Variants in MAN1C1 observed in about 807,000 individuals in gnomAD.
MAN1C1 encodes mannosyl-oligosaccharide 1,2-alpha-mannosidase IC.
In MAN1C1, 49 loss-of-function variants were observed where a neutral mutation model predicts 71.5. The observed-to-expected ratio is 0.69, with a 90% CI of 0.54 to 0.87. The LOEUF (loss-of-function observed/expected upper bound fraction) is 0.87, where lower values mean the gene tolerates loss of function less well. Among genes scored for constraint, MAN1C1 ranks in the 40% least tolerant of loss-of-function variants. The pLI, the probability that MAN1C1 is intolerant of heterozygous loss-of-function variation, is 0.00. For missense variants in MAN1C1, 743 were observed against 835.0 expected, an observed-to-expected ratio of 0.89 and a Z score of 1.36; for synonymous variants, 352 against 343.7, an observed-to-expected ratio of 1.02 and a Z score of -0.27.
intron 1 of MAN1C1, among the ~76,000 whole-genome samples, chr1:25,678,606 G>A (rs2046101803): frequency 6.6e-6 from 1 of 152,118 alleles, no homozygotes; most frequent in Admixed American, 6.5e-5. Flanking sequence ...TCTGGTCTAA[G>A]GAAATTATTC....
rs555491044 is a variant in MAN1C1 at position 25,740,771 on chromosome 1, C to T, written c.638-5897C>T. ...TTTTAAAAAATCTCTCTGGCTGCAA[C>T]GCTGAGGACAGATGGGTGGATCGGG... On this transcript the variant is annotated intron_variant, in intron 2 of 11. Transcript: ENST00000374332. 7.9e-5 allele frequency among the ~76,000 whole-genome samples: 12 copies of T among 152,112 alleles called. No individual in the cohort carries two copies. In the South Asian group the frequency reaches 1.2e-3, roughly 16 times the overall value.
At chr1:25,623,453 G>T (rs1353348028) in intron 1 of MAN1C1, among the ~76,000 whole-genome samples, 1 of 136,058 alleles carries the variant, frequency 7.3e-6, no homozygotes, top group African/African-American at 3.6e-5. Flanking sequence ...GTTAGTGGTG[G>T]TGGGGGGGGG....
At chr1:25,749,110 T>C (rs1194060683) in intron 3 of MAN1C1, 145 bp from the exon 4 acceptor site, 2 of 582,832 alleles carry the variant, frequency 3.4e-6, no homozygotes, top group Admixed American at 3.2e-5. Flanking sequence ...TCTTGACTTT[T>C]GTTATGAAAA....
intron 10 of MAN1C1, among the ~76,000 whole-genome samples, chr1:25,781,469 C>T (rs894984653): frequency 2.0e-5 from 3 of 152,180 alleles, no homozygotes; most frequent in Non-Finnish European, 2.9e-5. Context: ...TTCCTGATCT[C>T]GAAGCTGGGC....
intron 2 of MAN1C1, among the ~76,000 whole-genome samples, chr1:25,741,857 G>A (rs2047067501): frequency 6.6e-6 from 1 of 152,222 alleles, no homozygotes; most frequent in African/African-American, 2.4e-5. Context: ...AAAAGTATCG[G>A]TATGTAAGGA....
rs1289502405 is a variant in MAN1C1 at position 25,764,123 on chromosome 1, TC to T, written c.1141+159del. On this transcript the variant is annotated intron_variant, in intron 7 of 11. Coordinates refer to ENST00000374332, the MANE Select transcript of MAN1C1 (RefSeq NM_020379.4). This position sits in a 1 kb window ranked among gnomAD's most constrained non-coding sequence, Gnocchi z 4.4. ...CGGTGCTCCTGGACACCACCTGCCTTCCCATGCATCCTGGGGGCTTGCCTGT... is the reference window on the plus strand; with the variant it reads ...CGGTGCTCCTGGACACCACCTGCCTTCCATGCATCCTGGGGGCTTGCCTGT... Among the ~76,000 whole-genome samples, 1 of 152,170 alleles carries T rather than the reference TC, an allele frequency of 6.6e-6. No individual in the cohort carries two copies. The highest frequency in any genetic ancestry group is 1.9e-4 in the East Asian group (1 of 5,178).
At chr1:25,724,381 G>A (rs72662659) in intron 2 of MAN1C1, among the ~76,000 whole-genome samples, 4,388 of 152,110 alleles carry the variant, frequency 0.029, 99 homozygotes, top group Non-Finnish European at 0.045. Flanking sequence ...GCTGACTGTC[G>A]GATGATCTAA....
intron 2 of MAN1C1, among the ~76,000 whole-genome samples, chr1:25,739,770 T>A (rs750048489): frequency 1.7e-4 from 26 of 152,018 alleles, no homozygotes; most frequent in Non-Finnish European, 3.5e-4. Flanking sequence ...GGTGGGAGGG[T>A]CTTTGTCTAG....
At chr1:25,763,799 C>T in intron 6 of MAN1C1, 75 bp from the exon 7 acceptor site, 1 of 1,216,154 alleles carries the variant, frequency 8.2e-7, no homozygotes, top group Non-Finnish European at 1.2e-6. Context: ...CCAGCTGCCT[C>T]CCATCCTCAG....
At chr1:25,687,005 G>A (rs2046240713) in intron 2 of MAN1C1, among the ~76,000 whole-genome samples, 1 of 152,152 alleles carries the variant, frequency 6.6e-6, no homozygotes, top group African/African-American at 2.4e-5. Flanking sequence ...GCCGGGCGTG[G>A]TGGCCTTCAC....
Position 25,617,849 on chromosome 1 carries a change from C to T in MAN1C1, c.52C>T (p.Arg18Trp). 6.2e-7 allele frequency: 1 copy of T among 1,605,968 alleles called. No individual in the cohort carries two copies. The highest frequency in any genetic ancestry group is 1.1e-5 in the South Asian group (1 of 90,138). ...CGTCCCGGCCTCCCCGTGGGGGCTGCGGCTGCCGCAGAAGTTCCTCTTCCT... is the reference window on the plus strand; with the variant it reads ...CGTCCCGGCCTCCCCGTGGGGGCTGTGGCTGCCGCAGAAGTTCCTCTTCCT... ...GFVPASPWGL[R>W]LPQKFLFLLF... The change falls in exon 1 of 12, where the codon CGG becomes TGG. Residue 18 changes from arginine (R) to tryptophan (W), a missense_variant. Transcript: ENST00000374332. This position sits in a 1 kb window ranked among gnomAD's most constrained non-coding sequence, Gnocchi z 5.1.
intron 2 of MAN1C1, among the ~76,000 whole-genome samples, chr1:25,731,806 C>A (rs2046913296): frequency 6.6e-6 from 1 of 152,152 alleles, no homozygotes; most frequent in Admixed American, 6.5e-5. Flanking sequence ...TTCGTCATGG[C>A]CTGATGGAGA....
intron 2 of MAN1C1, among the ~76,000 whole-genome samples, chr1:25,697,999 G>C (rs543117239): frequency 1.3e-5 from 2 of 152,314 alleles, no homozygotes; most frequent in East Asian, 3.9e-4. Flanking sequence ...CCCCTGCACT[G>C]CCTGCTAAGC....
At chr1:25,732,122 G>T (rs3014695) in intron 2 of MAN1C1, among the ~76,000 whole-genome samples, 1 of 152,096 alleles carries the variant, frequency 6.6e-6, no homozygotes, top group Admixed American at 6.5e-5. Flanking sequence ...TCCTGCAGAG[G>T]GTGCCCAGGC....
At chr1:25,754,302 A>G (rs913139541) in intron 5 of MAN1C1, among the ~76,000 whole-genome samples, 3 of 152,208 alleles carry the variant, frequency 2.0e-5, no homozygotes, top group Non-Finnish European at 4.4e-5. Context: ...CAGAAGCTTC[A>G]GCCAGCTGTC....
rs945305672 is a variant in MAN1C1 at position 25,616,801 on chromosome 1, C to T, written c.-997C>T. Among the ~76,000 whole-genome samples, 1 of 146,840 alleles carries T rather than the reference C, an allele frequency of 6.8e-6. No homozygotes were observed. The highest frequency in any genetic ancestry group is 1.5e-5 in the Non-Finnish European group (1 of 65,996). On this transcript the variant is annotated 5_prime_UTR_variant, in exon 1 of 12. Transcript: ENST00000374332. This position sits in a 1 kb window ranked among gnomAD's most constrained non-coding sequence, Gnocchi z 5.6. ...GGCGGGCGCTGTCGCAGTGAAAGCC[C>T]GAGCGGCGGCGGCGGCGGGGACGGC...
chr1:25,682,723 C>T (rs2124167530), intron 1 of MAN1C1, among the ~76,000 whole-genome samples: 2 of 152,246 alleles, frequency 1.3e-5, no homozygotes, highest in Admixed American at 1.3e-4. Context: ...TGGAGAGCAG[C>T]CCATCACTGA....
intron 1 of MAN1C1, among the ~76,000 whole-genome samples, chr1:25,644,221 G>C (rs1395275767): frequency 1.3e-5 from 2 of 152,042 alleles, no homozygotes; most frequent in Non-Finnish European, 2.9e-5. Flanking sequence ...GGCAATCCTG[G>C]GGGTAGTGGG....
intron 1 of MAN1C1, among the ~76,000 whole-genome samples, chr1:25,641,949 G>T (rs2045543835): frequency 6.6e-6 from 1 of 152,196 alleles, no homozygotes; most frequent in African/African-American, 2.4e-5. Flanking sequence ...CTGAAGGAAA[G>T]ACAAAGACGA....
Sources: gnomAD v4.1 joint callset for allele counts (sites outside exome capture counted in the v4.1 genomes callset) on GRCh38, gnomAD v4.1.1 for gene constraint, Gnocchi (gnomAD v3.1) non-coding constraint, MANE v1.5 for transcripts, NCBI Gene and HGNC (gene_info 2026-07-23, HGNC 2026-07-21) for gene names.